The following GLIS3 variants were observed in gnomAD, a reference collection of about 807,000 sequenced individuals.
GLIS3 encodes zinc finger protein GLIS3.
A neutral mutation model predicts 78.6 loss-of-function variants in GLIS3; 53 were observed. The ratio of observed to expected loss-of-function variants is 0.67; its 90% CI spans 0.54 to 0.85. The LOEUF (loss-of-function observed/expected upper bound fraction) is 0.85. Among genes scored for constraint, GLIS3 ranks in the 40% least tolerant of loss-of-function variants. GLIS3 has a pLI of 0.00. For synonymous variants in GLIS3, 684 were observed against 509.9 expected, an observed-to-expected ratio of 1.34 and a Z score of -4.60; for missense variants, 1,703 against 1,231.1, an observed-to-expected ratio of 1.38 and a Z score of -5.74.
chr9:4,246,925 A>G (rs1823856945), intron 2 of GLIS3, among the ~76,000 whole-genome samples: 1 of 152,238 alleles, frequency 6.6e-6, no homozygotes, highest in South Asian at 2.1e-4. Context: ...TTACCCAAAC[A>G]TTGGCAATAA....
At chr9:4,036,635 G>A (rs893584551) in intron 4 of GLIS3, among the ~76,000 whole-genome samples, 58 of 152,256 alleles carry the variant, frequency 3.8e-4, no homozygotes, top group African/African-American at 1.4e-3. Context: ...GCAGCCTTAA[G>A]CCCTGAGACT....
intron 4 of GLIS3, among the ~76,000 whole-genome samples, chr9:4,307,179 G>C (rs1374964006): frequency 6.6e-6 from 1 of 152,072 alleles, no homozygotes; most frequent in Non-Finnish European, 1.5e-5. Flanking sequence ...AATGAGTGGT[G>C]GAGGTGAGAG....
chr9:3,875,927 C>G (rs1162941692), intron 8 of GLIS3, among the ~76,000 whole-genome samples: 1 of 152,194 alleles, frequency 6.6e-6, no homozygotes, highest in Admixed American at 6.5e-5. Flanking sequence ...GATCATTTAA[C>G]AACATCCTCT....
intron 4 of GLIS3, among the ~76,000 whole-genome samples, chr9:4,036,796 C>T (rs556557627): frequency 4.6e-5 from 7 of 152,294 alleles, no homozygotes; most frequent in African/African-American, 1.7e-4. Flanking sequence ...CCAGGAGGAA[C>T]TTCAGGAAAG....
At chr9:4,379,934 G>A in the GLIS3 span, among the ~76,000 whole-genome samples, 1 of 151,924 alleles carries the variant, frequency 6.6e-6, no homozygotes, top group South Asian at 2.1e-4. Flanking sequence ...AAAAAAAAAG[G>A]AGGTCTGTCT....
At chr9:4,368,955 G>A in the GLIS3 span, among the ~76,000 whole-genome samples, 1 of 152,060 alleles carries the variant, frequency 6.6e-6, no homozygotes, top group Non-Finnish European at 1.5e-5. Context: ...TTAACCAAGG[G>A]CTTAATTAAA....
intron 4 of GLIS3, among the ~76,000 whole-genome samples, chr9:4,047,340 G>C (rs1024918310): frequency 6.6e-6 from 1 of 152,120 alleles, no homozygotes; most frequent in African/African-American, 2.4e-5. Flanking sequence ...CCCAGTCTCA[G>C]GTAGTATCTT....
chr9:3,860,359 A>G (rs1323679914), intron 8 of GLIS3, among the ~76,000 whole-genome samples: 6 of 149,398 alleles, frequency 4.0e-5, no homozygotes, highest in Non-Finnish European at 7.4e-5. Flanking sequence ...ATCTCCACCT[A>G]TCTTAAAGAA....
the GLIS3 span, among the ~76,000 whole-genome samples, chr9:4,447,013 C>G: frequency 6.6e-6 from 1 of 151,972 alleles, no homozygotes; most frequent in Non-Finnish European, 1.5e-5. Flanking sequence ...CATGATGTAC[C>G]CTATGCCTGT....
intron 3 of GLIS3, among the ~76,000 whole-genome samples, chr9:4,121,650 CACACACACACA>C (rs1832193608): frequency 6.6e-6 from 1 of 151,940 alleles, no homozygotes; most frequent in African/African-American, 2.4e-5. Flanking sequence ...CACACACACA[CACACACACACA>C]CCCCAAAGTT....
At chr9:4,066,037 T>TAAAAA (rs375649097) in intron 4 of GLIS3, among the ~76,000 whole-genome samples, 1 of 95,780 alleles carries the variant, frequency 1.0e-5, no homozygotes, top group Admixed American at 1.0e-4. Context: ...ACCCAAAGAA[T>TAAAAA]ATAAAAAAAA....
At chr9:4,162,468 A>G (rs1410425960) in intron 2 of GLIS3, among the ~76,000 whole-genome samples, 1 of 152,202 alleles carries the variant, frequency 6.6e-6, no homozygotes, top group African/African-American at 2.4e-5. Flanking sequence ...TACCCAAGCA[A>G]GAACAATGGA....
chr9:4,288,936 C>A (rs141937029), intron 1 of GLIS3, among the ~76,000 whole-genome samples: 1 of 152,208 alleles, frequency 6.6e-6, no homozygotes, highest in Non-Finnish European at 1.5e-5. Context: ...ATTACGCCAA[C>A]AGATTTCTCA....
chr9:4,284,702 G>C (rs962903202), intron 2 of GLIS3, among the ~76,000 whole-genome samples: 1 of 151,542 alleles, frequency 6.6e-6, no homozygotes, highest in Non-Finnish European at 1.5e-5. Context: ...CTTGAGCTCA[G>C]GAGTTGGAGA....
At chr9:4,335,635 T>G (rs1817744708) in intron 2 of GLIS3, among the ~76,000 whole-genome samples, 1 of 152,152 alleles carries the variant, frequency 6.6e-6, no homozygotes, top group South Asian at 2.1e-4. Context: ...GTACCCTAAG[T>G]AGCCCGGGGT....
Position 4,269,856 on chromosome 9 carries a change from G to A in GLIS3, c.388+16182C>T, listed in dbSNP as rs998382717. On this transcript the variant is annotated intron_variant, in intron 2 of 10. Coordinates refer to ENST00000381971, the MANE Select transcript of GLIS3 (RefSeq NM_001042413.2). Reference sequence around the variant, plus strand: ...GGAGAAACAAACAAATATCTGGTGGGGACACACAACAAGGTGGGTAGAAAG... The same window carrying A: ...GGAGAAACAAACAAATATCTGGTGGAGACACACAACAAGGTGGGTAGAAAG... Among the ~76,000 whole-genome samples, 3 of 152,096 alleles carry A rather than the reference G, an allele frequency of 2.0e-5. No individual in the cohort carries two copies. The South Asian group carries it at 6.2e-4, about 31-fold the overall frequency.
intron 4 of GLIS3, among the ~76,000 whole-genome samples, chr9:4,069,956 C>G (rs1291386804): frequency 6.6e-6 from 1 of 152,066 alleles, no homozygotes; most frequent in Non-Finnish European, 1.5e-5. Flanking sequence ...CTGTCCCTGA[C>G]ATGACTGTCA....
Position 4,068,429 on chromosome 9 carries a change from T to G in GLIS3, c.1710+49339A>C, listed in dbSNP as rs182461499. 5.6e-3 allele frequency among the ~76,000 whole-genome samples: 856 copies of G among 152,210 alleles called. 3 individuals carry two copies. Among genetic ancestry groups the G allele is most frequent in the Admixed American group, 8.3e-3 (127 of 15,286 alleles). ...AAAACAAGATTTATAACTTCCAAGT[T>G]GCAAAAGGCAAAAAGGGCAAAGAAA... On this transcript the variant is annotated intron_variant, in intron 4 of 10. Transcript: ENST00000381971.
the GLIS3 span, among the ~76,000 whole-genome samples, chr9:4,437,227 C>A: frequency 6.6e-6 from 1 of 152,154 alleles, no homozygotes; most frequent in Non-Finnish European, 1.5e-5. Flanking sequence ...TTAAATACTA[C>A]TTTTGATTGC....
Sources: allele counts gnomAD v4.1 joint callset (sites outside exome capture counted in the v4.1 genomes callset), GRCh38; gene constraint gnomAD v4.1.1; transcripts MANE v1.5; gene names NCBI Gene and HGNC (gene_info 2026-07-23, HGNC 2026-07-21).